Variants in PARD3 observed in about 807,000 individuals in gnomAD.
The protein encoded by PARD3 is par-3 family cell polarity regulator, also known as partitioning defective 3 homolog.
A neutral mutation model predicts 155.4 loss-of-function variants in PARD3; 75 were observed. The ratio of observed to expected loss-of-function variants is 0.48; its 90% confidence interval spans 0.40 to 0.58. The LOEUF is 0.58. Among genes scored for constraint, PARD3 ranks in the 20% least tolerant of loss-of-function variants. The pLI is 0.00. For missense variants in PARD3, 1,642 were observed against 1,721.7 expected, an observed-to-expected ratio of 0.95 and a Z score of 0.82; for synonymous variants, 576 against 610.5, an observed-to-expected ratio of 0.94 and a Z score of 0.83.
chr10:34,618,824 T>A (rs1458515847), intron 2 of PARD3, among the ~76,000 whole-genome samples: 1 of 152,062 alleles, frequency 6.6e-6, no homozygotes, highest in Non-Finnish European at 1.5e-5. Context: ...CACCTCCTCC[T>A]CTCTCCTCAG....
intron 5 of PARD3, among the ~76,000 whole-genome samples, chr10:34,407,214 G>A (rs1226435740): frequency 6.6e-6 from 1 of 152,154 alleles, no homozygotes; most frequent in Non-Finnish European, 1.5e-5. Flanking sequence ...AGGGGGTGGA[G>A]GGGCTTCTCC....
At chr10:34,590,941 C>T (rs2088620979) in intron 2 of PARD3, among the ~76,000 whole-genome samples, 1 of 152,164 alleles carries the variant, frequency 6.6e-6, no homozygotes, top group African/African-American at 2.4e-5. Context: ...TTAACTCCCC[C>T]GCCTTTCCTT....
chr10:34,808,773 G>T (rs1285774444), intron 1 of PARD3, among the ~76,000 whole-genome samples: 2 of 152,168 alleles, frequency 1.3e-5, no homozygotes, highest in Non-Finnish European at 2.9e-5. Flanking sequence ...ATCCAAGTGG[G>T]ACTTTAAATA....
At chr10:34,620,934 G>A (rs1435159748) in intron 2 of PARD3, among the ~76,000 whole-genome samples, 1 of 152,228 alleles carries the variant, frequency 6.6e-6, no homozygotes, top group Non-Finnish European at 1.5e-5. Flanking sequence ...CACAAGTGAA[G>A]CATCTACAAC....
At chr10:34,668,753 G>A (rs2025460) in intron 2 of PARD3, among the ~76,000 whole-genome samples, 49,354 of 151,920 alleles carry the variant, frequency 0.32, 8,088 homozygotes, top group South Asian at 0.37. Context: ...TGGGAAGATC[G>A]CTTGAGCCCA....
intron 2 of PARD3, among the ~76,000 whole-genome samples, chr10:34,642,924 T>G (rs1170270539): frequency 1.3e-5 from 2 of 152,180 alleles, no homozygotes; most frequent in Non-Finnish European, 2.9e-5. Context: ...CCCATTGCCC[T>G]GATAACTGAC....
chr10:34,382,701 T>G lies in PARD3; in HGVS notation c.1238A>C (p.Glu413Ala), dbSNP rs1172824596. Reference protein sequence around the residue: ...QRAPRLNHPPEQIDSHSRLPH... With the variant: ...QRAPRLNHPPAQIDSHSRLPH... ...TAGTCTTGAGTGAGAGTCTATCTGC[T>G]CAGGCGGGTGGTTCAGTCGGGGTGC... Residue 413 changes from glutamate (E) to alanine (A), a missense_variant, in exon 9 of 25, where the codon GAG becomes GCG. By Grantham distance (107) the Glu-to-Ala change is moderately radical (BLOSUM62 -1). Transcript: ENST00000374788. The G allele has an allele frequency of 4.0e-5, 65 of 1,614,176 alleles. No individual in the cohort carries two copies. The highest frequency in any genetic ancestry group is 5.4e-5 in the Non-Finnish European group (64 of 1,180,032).
intron 2 of PARD3, among the ~76,000 whole-genome samples, chr10:34,643,377 A>T (rs2092740009): frequency 6.6e-6 from 1 of 152,372 alleles, no homozygotes; most frequent in East Asian, 1.9e-4. Flanking sequence ...GCCATAGCAC[A>T]TGAACAGAAC....
intron 7 of PARD3, among the ~76,000 whole-genome samples, chr10:34,384,568 G>C (rs1842159221): frequency 6.6e-6 from 1 of 152,172 alleles, no homozygotes; most frequent in Non-Finnish European, 1.5e-5. Flanking sequence ...GGGTATTGCA[G>C]TGTGGAGGAT....
At chr10:34,270,323 A>C (rs780352539) in intron 21 of PARD3, among the ~76,000 whole-genome samples, 5 of 151,926 alleles carry the variant, frequency 3.3e-5, no homozygotes, top group Non-Finnish European at 5.9e-5. Context: ...TTGTATTTTC[A>C]GTAGAGATGG....
intron 18 of PARD3, among the ~76,000 whole-genome samples, chr10:34,332,966 A>G (rs1048226027): frequency 2.6e-5 from 4 of 152,204 alleles, no homozygotes; most frequent in African/African-American, 9.7e-5. Context: ...AAAGAATGGG[A>G]AAAGATCATT....
rs1488521626 is a variant in PARD3 at position 34,728,995 on chromosome 10, C to T, written c.121-32576G>A. 2.6e-5 allele frequency among the ~76,000 whole-genome samples: 4 copies of T among 152,300 alleles called. No homozygotes were observed. In the South Asian group the frequency reaches 6.2e-4, roughly 24 times the overall value. On this transcript the variant is annotated intron_variant, in intron 1 of 24. Transcript: ENST00000374788. ...ACAACTATGTACCACTCTGTTCTAA[C>T]TGCCTGCAGTATTCAGGACAGTAAC...
chr10:34,420,034 G>A (rs550640874), intron 5 of PARD3, among the ~76,000 whole-genome samples: 13 of 152,156 alleles, frequency 8.5e-5, no homozygotes, highest in African/African-American at 1.4e-4. Flanking sequence ...ATACTGCAGC[G>A]TCTGCCTTCT....
chr10:34,233,310 T>C (rs1472014152), intron 22 of PARD3, among the ~76,000 whole-genome samples: 1 of 152,008 alleles, frequency 6.6e-6, no homozygotes, highest in East Asian at 1.9e-4. Context: ...TTTCTATTAT[T>C]CCTGCTACCC....
intron 15 of PARD3, chr10:34,345,452 T>G: frequency 1.0e-6 from 1 of 985,290 alleles, no homozygotes; most frequent in East Asian, 1.1e-4. Flanking sequence ...AAGTTCCTTT[T>G]GTATCATAGC....
rs146116353 is a variant in PARD3 at position 34,739,830 on chromosome 10, T to C, written c.121-43411A>G. Among the ~76,000 whole-genome samples the C allele has an allele frequency of 8.5e-5, 13 of 152,308 alleles. No individual in the cohort carries two copies. In the East Asian group the frequency reaches 2.3e-3, roughly 27 times the overall value. On this transcript the variant is annotated intron_variant, in intron 1 of 24. Coordinates refer to ENST00000374788, the MANE Select transcript of PARD3 (RefSeq NM_001184785.2). ...TAAATCCTGTGCAAGATTCTATGCA[T>C]AGAGGATCTCTCTGCACATACCACA... is the stretch of plus-strand genomic sequence containing the variant.
At chr10:34,650,542 G>C (rs1042966474) in intron 2 of PARD3, among the ~76,000 whole-genome samples, 4 of 152,168 alleles carry the variant, frequency 2.6e-5, no homozygotes, top group African/African-American at 9.7e-5. Context: ...AGATGAAGTG[G>C]ACATTTTTTT....
chr10:34,280,447 T>A (rs1411856257), intron 21 of PARD3, among the ~76,000 whole-genome samples: 1 of 152,218 alleles, frequency 6.6e-6, no homozygotes, highest in African/African-American at 2.4e-5. Context: ...TCTGTAGTTT[T>A]TAGTATTAGA....
At chr10:34,513,985 G>A (rs2081556690) in intron 3 of PARD3, among the ~76,000 whole-genome samples, 1 of 152,110 alleles carries the variant, frequency 6.6e-6, no homozygotes, top group Non-Finnish European at 1.5e-5. Flanking sequence ...AGTTCTCTCT[G>A]TATTTTCTAC....
Sources: allele counts gnomAD v4.1 joint callset (sites outside exome capture counted in the v4.1 genomes callset), GRCh38; gene constraint gnomAD v4.1.1; transcripts MANE v1.5; gene names NCBI Gene and HGNC (gene_info 2026-07-23, HGNC 2026-07-21).